Variants in LTBP1 observed in about 807,000 individuals in gnomAD.
The protein encoded by LTBP1 is latent-transforming growth factor beta-binding protein 1.
A neutral mutation model predicts 207.6 loss-of-function variants in LTBP1; 129 were observed. That is an observed-to-expected ratio of 0.62 (90% confidence interval 0.54 to 0.72). The LOEUF is 0.72. Among genes scored for constraint, LTBP1 ranks in the 30% least tolerant of loss-of-function variants. LTBP1 has a pLI of 0.00. For missense variants in LTBP1, 2,281 were observed against 2,217.2 expected, an observed-to-expected ratio of 1.03 and a Z score of -0.58; for synonymous variants, 963 against 833.7, an observed-to-expected ratio of 1.16 and a Z score of -2.67.
intron 2 of LTBP1, among the ~76,000 whole-genome samples, chr2:32,961,548 G>A (rs182649970): frequency 1.2e-4 from 17 of 141,672 alleles, no homozygotes; most frequent in Non-Finnish European, 2.5e-4. Context: ...CTGAGGTTTT[G>A]TTCATCCCCC....
chr2:33,319,679 C>T (rs2094325218), intron 24 of LTBP1, among the ~76,000 whole-genome samples: 1 of 152,096 alleles, frequency 6.6e-6, no homozygotes, highest in Non-Finnish European at 1.5e-5. Flanking sequence ...TGTGTGACTG[C>T]CGTGGAGTCC....
rs780738101 is a variant in LTBP1 at position 33,050,765 on chromosome 2, G to A, written c.863+29559G>A. On this transcript the variant is annotated intron_variant, in intron 3 of 33. Transcript: ENST00000404816. Reference sequence around the variant, plus strand: ...TTTTTTTTTTTTGAGACCGAGTCTCGCTCTGTTGCCCAGGCTGGAGTGTAA... The same window carrying A: ...TTTTTTTTTTTTGAGACCGAGTCTCACTCTGTTGCCCAGGCTGGAGTGTAA... Among the ~76,000 whole-genome samples, 115 of 147,890 alleles carry A rather than the reference G, an allele frequency of 7.8e-4. 2 individuals are homozygous for A. The highest frequency in any genetic ancestry group is 1.5e-3 in the South Asian group (7 of 4,666).
At chr2:33,066,616 A>G (rs1022411413) in intron 3 of LTBP1, among the ~76,000 whole-genome samples, 6 of 152,236 alleles carry the variant, frequency 3.9e-5, no homozygotes, top group African/African-American at 1.4e-4. Context: ...TAACTGTGCT[A>G]AAAGAATATA....
chr2:33,009,943 C>T (rs957571805), intron 2 of LTBP1, among the ~76,000 whole-genome samples: 29 of 152,112 alleles, frequency 1.9e-4, no homozygotes, highest in Admixed American at 1.5e-3. Context: ...CATCTAAGTT[C>T]GGGCACTGAA....
intron 5 of LTBP1, among the ~76,000 whole-genome samples, chr2:33,168,508 G>A (rs2085135460): frequency 6.6e-6 from 1 of 151,706 alleles, no homozygotes; most frequent in Non-Finnish European, 1.5e-5. Context: ...TTGTGATGTT[G>A]TCTTACAAAT....
chr2:32,955,455 G>C (rs1026447561), intron 2 of LTBP1, among the ~76,000 whole-genome samples: 3 of 151,546 alleles, frequency 2.0e-5, no homozygotes, highest in Non-Finnish European at 4.4e-5. Flanking sequence ...TAAACACTTT[G>C]GAACAGTTGG....
intron 10 of LTBP1, among the ~76,000 whole-genome samples, chr2:33,249,482 TA>T (rs1487165950): frequency 1.3e-5 from 2 of 152,212 alleles, no homozygotes; most frequent in African/African-American, 4.8e-5. Context: ...ATAAGTTGCT[TA>T]ATATATCACT....
intron 25 of LTBP1, 91 bp downstream of exon 25, chr2:33,343,054 TG>T: frequency 2.2e-6 from 3 of 1,379,198 alleles, no homozygotes; most frequent in Non-Finnish European, 2.9e-6. Context: ...GCAGGTAATT[TG>T]GGTAGAGCTT....
chr2:33,084,694 A>G (rs1232711475), intron 3 of LTBP1, among the ~76,000 whole-genome samples: 1 of 152,202 alleles, frequency 6.6e-6, no homozygotes, highest in Non-Finnish European at 1.5e-5. Context: ...GCAAACAGGC[A>G]CACATTGCTT....
intron 2 of LTBP1, among the ~76,000 whole-genome samples, chr2:33,007,409 A>G (rs1288434670): frequency 6.6e-6 from 1 of 152,216 alleles, no homozygotes; most frequent in South Asian, 2.1e-4. Context: ...AAATAAATCA[A>G]ATGGTAATTT....
chr2:33,390,704 C>T (rs188851704), intron 32 of LTBP1, among the ~76,000 whole-genome samples: 50 of 152,148 alleles, frequency 3.3e-4, no homozygotes, highest in African/African-American at 1.0e-3. Context: ...GTTGTCCAGG[C>T]TGGTCTCGAA....
intron 2 of LTBP1, 126 bp from the exon 3 acceptor site, chr2:33,020,783 T>C: frequency 2.2e-6 from 2 of 905,372 alleles, no homozygotes; most frequent in South Asian, 4.0e-5. Context: ...ACCTTCCTCC[T>C]TATGAGTATT....
chr2:33,142,855 A>G (rs2082743847), intron 5 of LTBP1, among the ~76,000 whole-genome samples: 2 of 152,226 alleles, frequency 1.3e-5, no homozygotes, highest in South Asian at 4.1e-4. Flanking sequence ...CCAGCCTGGA[A>G]TAAATAACCT....
chr2:33,127,931 G>A (rs1476983673), intron 4 of LTBP1, among the ~76,000 whole-genome samples: 3 of 152,170 alleles, frequency 2.0e-5, no homozygotes, highest in Admixed American at 2.0e-4. Flanking sequence ...GAGATGTGGT[G>A]GGAGGCGAGG....
At chr2:33,028,862 A>G (rs368766219) in intron 3 of LTBP1, among the ~76,000 whole-genome samples, 2 of 152,338 alleles carry the variant, frequency 1.3e-5, no homozygotes, top group African/African-American at 4.8e-5. Flanking sequence ...GTTAACAAGG[A>G]AAAGGCTGAC....
At chr2:32,962,312 A>G (rs1328709087) in intron 2 of LTBP1, among the ~76,000 whole-genome samples, 2 of 152,218 alleles carry the variant, frequency 1.3e-5, no homozygotes, top group Non-Finnish European at 2.9e-5. Context: ...AATTCTTTCA[A>G]GAGAGCCCTG....
rs191658281 is a variant in LTBP1 at position 33,035,431 on chromosome 2, A to T, written c.863+14225A>T. 4.7e-4 allele frequency among the ~76,000 whole-genome samples: 72 copies of T among 152,362 alleles called. 1 individual carries two copies. Among genetic ancestry groups the T allele is most frequent in the African/African-American group, 1.7e-3 (72 of 41,588 alleles). On this transcript the variant is annotated intron_variant, in intron 3 of 33. Transcript: ENST00000404816. ...GAAGACCATTATCTTTTCATAGGCT[A>T]AACTGTGTAGTCAGGATTTGAATTT... is the stretch of plus-strand genomic sequence containing the variant.
intron 10 of LTBP1, among the ~76,000 whole-genome samples, chr2:33,251,528 G>A (rs2092683336): frequency 6.6e-6 from 1 of 152,086 alleles, no homozygotes; most frequent in African/African-American, 2.4e-5. Context: ...AGCCGGGTGT[G>A]GTAGTGGGTG....
At chr2:33,322,703 G>A (rs961660990) in intron 24 of LTBP1, among the ~76,000 whole-genome samples, 1 of 152,144 alleles carries the variant, frequency 6.6e-6, no homozygotes, top group Non-Finnish European at 1.5e-5. Context: ...AATTTTGGCT[G>A]CAACAAACAG....
Sources: allele counts gnomAD v4.1 joint callset (sites outside exome capture counted in the v4.1 genomes callset), GRCh38; gene constraint gnomAD v4.1.1; transcripts MANE v1.5; gene names NCBI Gene and HGNC (gene_info 2026-07-23, HGNC 2026-07-21).